The following NDC80 variants were observed in gnomAD, a reference collection of about 807,000 sequenced individuals.
NDC80 encodes the protein NDC80 kinetochore complex component, also known as kinetochore protein NDC80 homolog.
In NDC80, 69 loss-of-function variants were observed where a neutral mutation model predicts 89.3. That is an observed-to-expected ratio of 0.77 (90% CI 0.64 to 0.94). The LOEUF (loss-of-function observed/expected upper bound fraction) is 0.94, where lower values mean the gene tolerates loss of function less well. NDC80 is among the 40% of genes least tolerant of loss of function. NDC80 has a pLI of 0.00. For synonymous variants in NDC80, 243 were observed against 255.6 expected (o/e 0.95, Z 0.47); for missense variants, 593 against 739.6 (o/e 0.80, Z 2.30).
At chr18:2,574,781 C>T (rs909129610) in intron 2 of NDC80, among the ~76,000 whole-genome samples, 5 of 152,136 alleles carry the variant, frequency 3.3e-5, no homozygotes, top group Admixed American at 3.3e-4. Flanking sequence ...CTCTGCTGGT[C>T]CCCCAACATT....
chr18:2,576,945 C>T (rs1176242555), intron 3 of NDC80, among the ~76,000 whole-genome samples: 2 of 152,170 alleles, frequency 1.3e-5, no homozygotes, highest in East Asian at 3.9e-4. Flanking sequence ...TACTTGTCAC[C>T]TTTTAAAAAA....
At chr18:2,573,282 GT>G (rs2072528807) in intron 2 of NDC80, among the ~76,000 whole-genome samples, 196 bp downstream of exon 2, 1 of 152,150 alleles carries the variant, frequency 6.6e-6, no homozygotes, top group Admixed American at 6.5e-5. Flanking sequence ...TGTGTCATTT[GT>G]TTCACAAATT....
chr18:2,599,801 T>C (rs1051166124), intron 12 of NDC80, among the ~76,000 whole-genome samples: 5 of 152,224 alleles, frequency 3.3e-5, no homozygotes, highest in African/African-American at 1.2e-4. Context: ...ATTTTCAAAA[T>C]ACTTCAGTTT....
At chr18:2,598,953 T>C in intron 11 of NDC80, 66 bp from the exon 12 acceptor site, 3 of 1,406,370 alleles carry the variant, frequency 2.1e-6, no homozygotes, top group Non-Finnish European at 2.8e-6. Flanking sequence ...ATTTTAGAAA[T>C]GTCAATTGAA....
At chr18:2,592,188 C>T (rs2072631024) in intron 10 of NDC80, among the ~76,000 whole-genome samples, 1 of 152,180 alleles carries the variant, frequency 6.6e-6, no homozygotes, top group Non-Finnish European at 1.5e-5. Flanking sequence ...GAGAGAAATA[C>T]TTAATCATTT....
chr18:2,587,708 C>T, intron 7 of NDC80, 122 bp from the exon 8 acceptor site: 1 of 685,692 alleles, frequency 1.5e-6, no homozygotes, highest in Non-Finnish European at 2.5e-6. Flanking sequence ...TTTATAGGTT[C>T]ATCTGACTAC....
chr18:2,607,964 A>AATATATATAT (rs2072721626), intron 14 of NDC80, among the ~76,000 whole-genome samples: 2 of 39,570 alleles, frequency 5.1e-5, no homozygotes, highest in Non-Finnish European at 8.9e-5. Flanking sequence ...ATATATACAT[A>AATATATATAT]GTATATATAT....
At chr18:2,590,376 G>A (rs1169227336) in intron 10 of NDC80, among the ~76,000 whole-genome samples, 3 of 152,136 alleles carry the variant, frequency 2.0e-5, no homozygotes, top group Non-Finnish European at 2.9e-5. Flanking sequence ...ATGTATTATC[G>A]CACAGTTCTA....
Position 2,581,496 on chromosome 18 carries a change from A to G in NDC80, c.579+2467A>G, listed in dbSNP as rs149095959. Among the ~76,000 whole-genome samples the G allele has an allele frequency of 4.5e-3, 688 of 152,240 alleles. 4 individuals carry two copies. Among genetic ancestry groups the G allele is most frequent in the South Asian group, 0.037 (179 of 4,818 alleles). On this transcript the variant is annotated intron_variant, in intron 6 of 16. Transcript: ENST00000261597. Reference sequence around the variant, plus strand: ...GCCAACATGACAAAACCCCATCTCTACTAAAAATACAAAAATATTAGCCGG... The same window carrying G: ...GCCAACATGACAAAACCCCATCTCTGCTAAAAATACAAAAATATTAGCCGG...
At chr18:2,597,489 G>A (rs1207451672) in intron 11 of NDC80, among the ~76,000 whole-genome samples, 1 of 152,156 alleles carries the variant, frequency 6.6e-6, no homozygotes, top group Non-Finnish European at 1.5e-5. Flanking sequence ...CCAGCACTTT[G>A]GGAGGCCAAG....
chr18:2,595,788 C>G (rs1452808876), intron 11 of NDC80, among the ~76,000 whole-genome samples, 167 bp downstream of exon 11: 1 of 152,160 alleles, frequency 6.6e-6, no homozygotes, highest in African/African-American at 2.4e-5. Context: ...TCAGTAACAT[C>G]CCAATTTCTC....
intron 3 of NDC80, among the ~76,000 whole-genome samples, chr18:2,575,450 TC>T (rs2072541501): frequency 6.6e-6 from 1 of 151,824 alleles, no homozygotes; most frequent in Admixed American, 6.6e-5. Context: ...AGACCCTGAC[TC>T]CACATTTTTT....
intron 11 of NDC80, among the ~76,000 whole-genome samples, chr18:2,598,258 G>T (rs1288134897): frequency 6.6e-6 from 1 of 152,150 alleles, no homozygotes; most frequent in Non-Finnish European, 1.5e-5. Context: ...GGAGGAAGCA[G>T]ATTAAAAACA....
At chr18:2,602,790 A>T (rs1243455109) in intron 13 of NDC80, among the ~76,000 whole-genome samples, 1 of 152,188 alleles carries the variant, frequency 6.6e-6, no homozygotes, top group East Asian at 1.9e-4. Flanking sequence ...TGCTCATCAG[A>T]TTTTTAGGTT....
intron 5 of NDC80, among the ~76,000 whole-genome samples, chr18:2,578,383 T>C (rs769228823): frequency 1.3e-5 from 2 of 152,118 alleles, no homozygotes; most frequent in Non-Finnish European, 2.9e-5. Context: ...AGTTTGATGA[T>C]GGGTACAGAC....
chr18:2,588,217 T>G (rs2072611272), intron 8 of NDC80, among the ~76,000 whole-genome samples: 1 of 152,184 alleles, frequency 6.6e-6, no homozygotes, highest in Non-Finnish European at 1.5e-5. Context: ...AAAGTCATAA[T>G]ATACCAAACA....
intron 8 of NDC80, among the ~76,000 whole-genome samples, chr18:2,588,459 C>T (rs7235836): frequency 0.19 from 28,049 of 150,930 alleles, 2,966 homozygotes; most frequent in Non-Finnish European, 0.24. Context: ...ACAGTATTTA[C>T]TAGATAACTC....
intron 10 of NDC80, among the ~76,000 whole-genome samples, chr18:2,592,034 G>A (rs1483349790): frequency 7.2e-5 from 11 of 152,126 alleles, no homozygotes; most frequent in African/African-American, 1.2e-4. Flanking sequence ...GATTGCAGGC[G>A]TGAGCCACAG....
intron 8 of NDC80, among the ~76,000 whole-genome samples, chr18:2,588,345 A>G (rs561072329): frequency 6.6e-6 from 1 of 152,300 alleles, no homozygotes; most frequent in South Asian, 2.1e-4. Context: ...AAAAGACCTA[A>G]GGTCTCTTTC....
Sources: gnomAD v4.1 joint callset for allele counts (sites outside exome capture counted in the v4.1 genomes callset) on GRCh38, gnomAD v4.1.1 for gene constraint, MANE v1.5 for transcripts, NCBI Gene and HGNC (gene_info 2026-07-23, HGNC 2026-07-21) for gene names.